SCAND3: variants seen among roughly 807,000 people sequenced by gnomAD.
SCAND3 encodes the protein SCAN domain containing 3, also known as SCAN domain-containing protein 3.
At chr6:28,586,333 C>T in the SCAND3 span, 8 of 1,612,160 alleles carry the variant, frequency 5.0e-6, no homozygotes, top group Non-Finnish European at 6.8e-6. This position sits in a 1 kb window ranked among gnomAD's most constrained non-coding sequence, Gnocchi z 4.4. Context: ...CTCTCCAAAT[C>T]TTCCAGCAAA....
chr6:28,575,662 AG>A, the SCAND3 span: 2 of 1,614,150 alleles, frequency 1.2e-6, no homozygotes, highest in East Asian at 4.5e-5. The surrounding 1 kb of genome is among the most constrained non-coding windows in gnomAD (Gnocchi z 4.2). Context: ...TGGTTTACAG[AG>A]GGTCAGATAC....
the SCAND3 span, among the ~76,000 whole-genome samples, chr6:28,583,954 G>A: frequency 6.6e-6 from 1 of 152,142 alleles, no homozygotes; most frequent in African/African-American, 2.4e-5. Flanking sequence ...ATACAGCTTG[G>A]GTTGGTTTTG....
chr6:28,573,760 C>T, the SCAND3 span: 5 of 1,591,852 alleles, frequency 3.1e-6, no homozygotes, highest in Non-Finnish European at 4.3e-6. Context: ...TCTTTTATTA[C>T]TACTACTGTG....
At chr6:28,574,403 C>T in the SCAND3 span, among the ~76,000 whole-genome samples, 1 of 152,080 alleles carries the variant, frequency 6.6e-6, no homozygotes, top group South Asian at 2.1e-4. Flanking sequence ...AATTCCCAAA[C>T]TGAAGTCTTT....
At chr6:28,579,248 T>A in the SCAND3 span, 2 of 1,604,606 alleles carry the variant, frequency 1.2e-6, no homozygotes, top group East Asian at 4.5e-5. This position sits in a 1 kb window ranked among gnomAD's most constrained non-coding sequence, Gnocchi z 4.5. Context: ...CTCACCTTCT[T>A]TCTTAGAACT....
At chr6:28,595,738 GAA>G in the SCAND3 span, among the ~76,000 whole-genome samples, 45 of 151,278 alleles carry the variant, frequency 3.0e-4, no homozygotes, top group African/African-American at 1.0e-3. Context: ...AAAAAAGAAA[GAA>G]AAAGAAAATT....
the SCAND3 span, among the ~76,000 whole-genome samples, chr6:28,600,544 G>T: frequency 6.6e-6 from 1 of 152,216 alleles, no homozygotes; most frequent in Middle Eastern, 3.4e-3. Flanking sequence ...GAGGTGAGAG[G>T]CCTGTTTGAG....
chr6:28,601,449 C>T, the SCAND3 span, among the ~76,000 whole-genome samples: 2 of 152,128 alleles, frequency 1.3e-5, no homozygotes, highest in Non-Finnish European at 2.9e-5. Flanking sequence ...ACTAGAAGAG[C>T]TTTTTTCGAT....
chr6:28,597,123 C>T, the SCAND3 span, among the ~76,000 whole-genome samples: 1 of 152,168 alleles, frequency 6.6e-6, no homozygotes, highest in South Asian at 2.1e-4. Context: ...TTTCAACTGG[C>T]TAATTTAACT....
the SCAND3 span, among the ~76,000 whole-genome samples, chr6:28,599,365 AGAAC>A: frequency 6.6e-6 from 1 of 152,246 alleles, no homozygotes; most frequent in East Asian, 1.9e-4. Flanking sequence ...AACATGCAAA[AGAAC>A]TATGCTGAAA....
the SCAND3 span, among the ~76,000 whole-genome samples, chr6:28,601,616 C>G: frequency 1.3e-5 from 2 of 152,070 alleles, no homozygotes; most frequent in Non-Finnish European, 2.9e-5. Context: ...GCCTCTCAGG[C>G]TCAAATGATC....
At chr6:28,575,396 C>G in the SCAND3 span, 1 of 1,614,072 alleles carries the variant, frequency 6.2e-7, no homozygotes, top group Non-Finnish European at 8.5e-7. This position sits in a 1 kb window ranked among gnomAD's most constrained non-coding sequence, Gnocchi z 4.2. Flanking sequence ...CTCCCATTGT[C>G]AGATTGTAGG....
the SCAND3 span, among the ~76,000 whole-genome samples, chr6:28,582,025 C>G: frequency 1.4e-3 from 212 of 152,268 alleles, 4 homozygotes; most frequent in East Asian, 0.033. This position sits in a 1 kb window ranked among gnomAD's most constrained non-coding sequence, Gnocchi z 4.8. Context: ...TAACTCTGAC[C>G]ACATTAAAAA....
chr6:28,573,847 T>C, the SCAND3 span: 1 of 1,501,248 alleles, frequency 6.7e-7, no homozygotes, highest in Non-Finnish European at 8.8e-7. Flanking sequence ...GGAATAAAAG[T>C]AAATAATATG....
At chr6:28,607,349 C>T in the SCAND3 span, among the ~76,000 whole-genome samples, 1 of 152,104 alleles carries the variant, frequency 6.6e-6, no homozygotes, top group Non-Finnish European at 1.5e-5. Context: ...ACAGCCTTTG[C>T]AGTGTTAAGT....
chr6:28,608,288 T>C, the SCAND3 span, among the ~76,000 whole-genome samples: 2 of 152,196 alleles, frequency 1.3e-5, no homozygotes, highest in Admixed American at 1.3e-4. Flanking sequence ...AGTTATTGTA[T>C]TCTATAAATA....
the SCAND3 span, among the ~76,000 whole-genome samples, chr6:28,609,837 G>A: frequency 6.6e-6 from 1 of 152,156 alleles, no homozygotes; most frequent in East Asian, 1.9e-4. Context: ...GTAAATATTG[G>A]AGATACAGCA....
At chr6:28,572,367 C>T in the SCAND3 span, 1 of 1,610,706 alleles carries the variant, frequency 6.2e-7, no homozygotes, top group East Asian at 2.2e-5. The surrounding 1 kb of genome is among the most constrained non-coding windows in gnomAD (Gnocchi z 4.1). Flanking sequence ...TAACTTTTCG[C>T]AGATGTGCAA....
At chr6:28,596,483 G>A in the SCAND3 span, among the ~76,000 whole-genome samples, 5 of 152,108 alleles carry the variant, frequency 3.3e-5, no homozygotes, top group East Asian at 7.7e-4. Context: ...AACAACAGTG[G>A]TTATCAGTAA....
Sources: gnomAD v4.1 joint callset for allele counts (sites outside exome capture counted in the v4.1 genomes callset) on GRCh38, gnomAD v4.1.1 for gene constraint, Gnocchi (gnomAD v3.1) non-coding constraint, MANE v1.5 for transcripts, NCBI Gene and HGNC (gene_info 2026-07-23, HGNC 2026-07-21) for gene names.